The following C11orf65 variants were observed in gnomAD, a reference collection of about 807,000 sequenced individuals.
The protein encoded by C11orf65 is protein MFI.
Under a neutral mutation model 35.3 loss-of-function variants are expected in C11orf65, and 38 were observed. That is an observed-to-expected ratio of 1.08 (90% confidence interval 0.83 to 1.41). The LOEUF is 1.41. C11orf65 is among the 40% of genes most tolerant of loss of function. The pLI, the probability that C11orf65 is intolerant of heterozygous loss-of-function variation, is 0.00. For missense variants in C11orf65, 370 were observed against 367.1 expected (o/e 1.01, Z -0.06); for synonymous variants, 105 against 114.4 (o/e 0.92, Z 0.53).
Position 108,343,417 on chromosome 11 carries a change from G to C in C11orf65, c.227-8125C>G, listed in dbSNP as rs369998670. 13 of 1,601,386 alleles carry C rather than the reference G, an allele frequency of 8.1e-6. No homozygotes were observed. The African/African-American group carries it at 1.7e-4, about 21-fold the overall frequency. ...AAGGTTATTGTAAGATTATTTAATG[G>C]CTTATTAAAGCTGACAGCTGTCAGA... On this transcript the variant is annotated intron_variant, in intron 2 of 3. Coordinates refer to the C11orf65 transcript ENST00000524755.
At chr11:108,339,072 T>C (rs952997231) in intron 2 of C11orf65, among the ~76,000 whole-genome samples, 1 of 152,210 alleles carries the variant, frequency 6.6e-6, no homozygotes, top group Non-Finnish European at 1.5e-5. Flanking sequence ...ATGCCAGATA[T>C]CTCTTGTCAG....
chr11:108,375,323 C>T (rs948844516), intron 2 of C11orf65, among the ~76,000 whole-genome samples: 5 of 151,678 alleles, frequency 3.3e-5, no homozygotes, highest in Non-Finnish European at 5.9e-5. Flanking sequence ...AGAGTAGGGG[C>T]CAATATTCAA....
chr11:108,419,799 T>C (rs1454801641), intron 3 of C11orf65, among the ~76,000 whole-genome samples: 1 of 152,154 alleles, frequency 6.6e-6, no homozygotes. Flanking sequence ...CAAACAAAAA[T>C]AGCATACCTC....
At chr11:108,417,682 C>T (rs1364115522) in intron 3 of C11orf65, among the ~76,000 whole-genome samples, 1 of 151,602 alleles carries the variant, frequency 6.6e-6, no homozygotes, top group African/African-American at 2.4e-5. Context: ...TTGGTGTGCG[C>T]ATGTTCTCAC....
At chr11:108,335,616 C>T (rs1473248431) in intron 2 of C11orf65, among the ~76,000 whole-genome samples, 1 of 152,094 alleles carries the variant, frequency 6.6e-6, no homozygotes, top group Non-Finnish European at 1.5e-5. Context: ...GGGGGACTTC[C>T]AGTTAATCTA....
chr11:108,375,582 G>A (rs1184290127), intron 2 of C11orf65, among the ~76,000 whole-genome samples: 5 of 151,360 alleles, frequency 3.3e-5, no homozygotes, highest in Non-Finnish European at 4.4e-5. Context: ...ATCAACTAAC[G>A]AACAAAATAA....
At chr11:108,351,657 C>T (rs1400230899) in intron 2 of C11orf65, among the ~76,000 whole-genome samples, 2 of 152,150 alleles carry the variant, frequency 1.3e-5, no homozygotes, top group African/African-American at 2.4e-5. Context: ...CCTGGACCTA[C>T]TCAGCATCTT....
chr11:108,382,947 A>G lies in C11orf65; in HGVS notation c.*74T>C. 6.3e-7 allele frequency: 1 copy of G among 1,585,308 alleles called. No homozygotes were observed. On this transcript the variant is annotated 3_prime_UTR_variant, in exon 9 of 9. Transcript: ENST00000393084. The stretch of plus-strand genomic sequence containing the variant: ...ATATACACAAGTTATTCCAGTCAGA[A>G]TACACTATCTCTTGGCTATAACTGA...
At chr11:108,457,733 T>C (rs754002849) in intron 2 of C11orf65, among the ~76,000 whole-genome samples, 5 of 152,202 alleles carry the variant, frequency 3.3e-5, no homozygotes, top group Non-Finnish European at 7.3e-5. Context: ...TAATAAATTA[T>C]TCTATATTAC....
intron 3 of C11orf65, among the ~76,000 whole-genome samples, chr11:108,415,364 G>T (rs539978374): frequency 2.6e-5 from 4 of 151,926 alleles, no homozygotes; most frequent in African/African-American, 9.7e-5. Context: ...ATATCAGCAC[G>T]CAAAAAAGTA....
intron 5 of C11orf65, among the ~76,000 whole-genome samples, chr11:108,405,780 C>T (rs923990168): frequency 2.8e-4 from 42 of 152,208 alleles, no homozygotes; most frequent in African/African-American, 1.0e-3. Context: ...TACTAGTGTA[C>T]TGAGGTGCTT....
At chr11:108,312,798 T>C (rs1326817808) in intron 6 of C11orf65, among the ~76,000 whole-genome samples, 1 of 152,180 alleles carries the variant, frequency 6.6e-6, no homozygotes, top group Non-Finnish European at 1.5e-5. Context: ...TTTATAGCAC[T>C]TAGGGTTTAT....
rs188914464 is a variant in C11orf65 at position 108,338,187 on chromosome 11, A to G, written c.227-2895T>C. 3.9e-5 allele frequency among the ~76,000 whole-genome samples: 6 copies of G among 152,168 alleles called. No homozygotes were observed. The East Asian group carries it at 1.2e-3, about 29-fold the overall frequency. On this transcript the variant is annotated intron_variant, in intron 2 of 3. Coordinates refer to the C11orf65 transcript ENST00000524755. ...AACATGGCCAAACCCCATCTCTACT[A>G]AAAATACAAAAAAATTAGCCAGGCG...
At chr11:108,370,878 G>A (rs1401068820) in intron 2 of C11orf65, among the ~76,000 whole-genome samples, 1 of 152,004 alleles carries the variant, frequency 6.6e-6, no homozygotes, top group Admixed American at 6.6e-5. Flanking sequence ...AAACGTTTTG[G>A]TTAGTGTTTC....
At chr11:108,404,980 C>T (rs183670939) in intron 6 of C11orf65, among the ~76,000 whole-genome samples, 10 of 152,184 alleles carry the variant, frequency 6.6e-5, no homozygotes, top group African/African-American at 1.9e-4. Flanking sequence ...GGCCTGGTCC[C>T]ATTAACTTTA....
At chr11:108,348,551 A>T (rs1360996012) in intron 2 of C11orf65, among the ~76,000 whole-genome samples, 12 of 151,934 alleles carry the variant, frequency 7.9e-5, no homozygotes, top group Admixed American at 5.9e-4. Context: ...TGGAATAGAC[A>T]GTTTAATATA....
intron 2 of C11orf65, chr11:108,356,199 C>A (rs115198980): frequency 6.6e-6 from 1 of 151,976 alleles, no homozygotes; most frequent in African/African-American, 2.4e-5. Flanking sequence ...TCAATAATGT[C>A]GAAATTAAAC....
chr11:108,431,831 G>A lies in C11orf65; in HGVS notation c.89C>T (p.Ala30Val). The change falls in exon 3 of 9, where the codon GCT (alanine) becomes GTT (valine). Residue 30 changes from alanine to valine, a missense_variant. Transcript: ENST00000393084. ...QQAWKSFLNVAIFQHFKSLID... is the reference protein window; with the variant it reads ...QQAWKSFLNVVIFQHFKSLID... ...CAGACTTTTAAAGTGTTGAAATATAGCGACATTCTAAAGGTTCAAACACAA... is the reference window on the plus strand; with the variant it reads ...CAGACTTTTAAAGTGTTGAAATATAACGACATTCTAAAGGTTCAAACACAA... 6.7e-7 allele frequency: 1 copy of A among 1,488,858 alleles called. No individual in the cohort carries two copies. The highest frequency in any genetic ancestry group is 9.1e-7 in the Non-Finnish European group (1 of 1,098,852). The allele number at this position is 1,488,858 out of a possible 1,614,324, so 92.2% of individuals were successfully genotyped here. A position where few individuals can be genotyped will look rare whatever the true frequency, so the allele number is the denominator to read the frequency against.
Position 108,426,307 on chromosome 11 carries a change from A to G in C11orf65, c.174+5439T>C, listed in dbSNP as rs183441620. 6.7e-4 allele frequency among the ~76,000 whole-genome samples: 102 copies of G among 152,318 alleles called. 1 individual carries two copies. Among genetic ancestry groups the G allele is most frequent in the African/African-American group, 2.4e-3 (99 of 41,574 alleles). On this transcript the variant is annotated intron_variant, in intron 3 of 8. Coordinates refer to ENST00000393084, the MANE Select transcript of C11orf65 (RefSeq NM_152587.5). ...TAAGCAACTTCAACAAAGTCTCAGG[A>G]CACACAATCAATCTGCAAAAATCAC...
Sources: allele counts gnomAD v4.1 joint callset (sites outside exome capture counted in the v4.1 genomes callset), GRCh38; gene constraint gnomAD v4.1.1; transcripts MANE v1.5; gene names NCBI Gene and HGNC (gene_info 2026-07-23, HGNC 2026-07-21).